DMRT1: variants seen among roughly 807,000 people sequenced by gnomAD.
DMRT1 encodes doublesex and mab-3 related transcription factor 1.
A neutral mutation model predicts 32.3 loss-of-function variants in DMRT1; 7 were observed. The observed-to-expected ratio is 0.22, with a 90% CI of 0.12 to 0.41. The LOEUF is 0.41. DMRT1 is among the 10% of genes least tolerant of loss of function. The pLI is 1.00. For missense variants in DMRT1, 625 were observed against 500.5 expected (o/e 1.25, Z -2.37); for synonymous variants, 278 against 206.1 (o/e 1.35, Z -2.99).
chr9:891,328 G>A (rs1381661947), intron 2 of DMRT1, among the ~76,000 whole-genome samples: 1 of 151,972 alleles, frequency 6.6e-6, no homozygotes, highest in Non-Finnish European at 1.5e-5. Context: ...GCTTGCGCCT[G>A]TATTCCCAAT....
chr9:853,366 C>T (rs947829626), intron 2 of DMRT1, among the ~76,000 whole-genome samples: 12 of 152,060 alleles, frequency 7.9e-5, no homozygotes, highest in African/African-American at 2.4e-4. Context: ...AGCATTGCCA[C>T]TGTCCTAAAA....
At chr9:904,078 C>G (rs7856502) in intron 3 of DMRT1, among the ~76,000 whole-genome samples, 49 of 152,116 alleles carry the variant, frequency 3.2e-4, no homozygotes, top group African/African-American at 1.1e-3. Flanking sequence ...TATTATTAGT[C>G]TTGCGAGGTT....
chr9:890,085 G>GTTTTT (rs35228255), intron 2 of DMRT1, among the ~76,000 whole-genome samples: 20 of 102,990 alleles, frequency 1.9e-4, no homozygotes, highest in East Asian at 2.9e-4. Context: ...CACCAAACGT[G>GTTTTT]TTTTTTTTTT....
chr9:908,846 C>G (rs975645320), intron 3 of DMRT1, among the ~76,000 whole-genome samples: 1 of 152,144 alleles, frequency 6.6e-6, no homozygotes, highest in African/African-American at 2.4e-5. Flanking sequence ...TCCCACCTCT[C>G]CTGGGCGCAT....
Position 968,048 on chromosome 9 carries a change from G to A in DMRT1, c.1031G>A (p.Ser344Asn), listed in dbSNP as rs1819991079. 1.2e-6 allele frequency: 2 copies of A among 1,613,964 alleles called. No individual in the cohort carries two copies. The highest frequency in any genetic ancestry group is 8.5e-7 in the Non-Finnish European group (1 of 1,180,034). The change falls in exon 5 of 5, where the codon AGT becomes AAT. Residue 344 changes from serine (S) to asparagine (N), a missense_variant. This residue lies in a region of DMRT1 where 416 missense variants were observed against 321.6 expected (regional missense o/e 1.29). Transcript: ENST00000382276. ...TCCCTCTCGAGCAGCTCTCCTATTA[G>A]TAACAAGAGCACAAAGGCAGTGCTT... ...LVSLSSSSPI[S>N]NKSTKAVLEC...
chr9:911,121 G>A (rs1051452409), intron 3 of DMRT1, among the ~76,000 whole-genome samples: 2 of 152,104 alleles, frequency 1.3e-5, no homozygotes, highest in African/African-American at 4.8e-5. Context: ...CGCTGTTCAG[G>A]CCTTGGGTTG....
At chr9:885,142 C>T (rs905698053) in intron 2 of DMRT1, among the ~76,000 whole-genome samples, 2 of 152,132 alleles carry the variant, frequency 1.3e-5, no homozygotes, top group Non-Finnish European at 2.9e-5. Flanking sequence ...ATGGGCAGGC[C>T]GTGGGGCTCC....
chr9:909,659 C>T (rs564890064), intron 3 of DMRT1, among the ~76,000 whole-genome samples: 2 of 152,270 alleles, frequency 1.3e-5, no homozygotes, highest in East Asian at 3.9e-4. Context: ...ACCCCAAATA[C>T]AGCTTTTGCC....
intron 4 of DMRT1, among the ~76,000 whole-genome samples, chr9:918,715 G>A (rs59358181): frequency 0.16 from 14,434 of 88,992 alleles, 789 homozygotes; most frequent in South Asian, 0.36. Context: ...CTTCAGAAAC[G>A]AGAGCTGGGA....
chr9:896,847 T>C (rs1351869712), intron 3 of DMRT1, among the ~76,000 whole-genome samples: 1 of 151,980 alleles, frequency 6.6e-6, no homozygotes, highest in Non-Finnish European at 1.5e-5. Context: ...CTAAGCCCAC[T>C]TCAAGAAAAT....
chr9:870,748 A>C, intron 2 of DMRT1, among the ~76,000 whole-genome samples: 1 of 103,046 alleles, frequency 9.7e-6, no homozygotes, highest in Non-Finnish European at 1.8e-5. Context: ...GTCTTACTCC[A>C]TTGCCCACGC....
chr9:872,681 GTATTT>G (rs1816325763), intron 2 of DMRT1, among the ~76,000 whole-genome samples: 1 of 152,136 alleles, frequency 6.6e-6, no homozygotes, highest in South Asian at 2.1e-4. Context: ...TTACTTATCA[GTATTT>G]TATTGTATGA....
chr9:964,908 G>A (rs1202450359), intron 4 of DMRT1, among the ~76,000 whole-genome samples: 1 of 152,194 alleles, frequency 6.6e-6, no homozygotes, highest in East Asian at 1.9e-4. Flanking sequence ...CTGACGCTAG[G>A]AGTTAGCATT....
intron 2 of DMRT1, among the ~76,000 whole-genome samples, chr9:889,608 C>A (rs1817062395): frequency 1.3e-5 from 2 of 152,182 alleles, no homozygotes; most frequent in African/African-American, 2.4e-5. Context: ...TCTCTTGTTA[C>A]CTTCAGAGTT....
At chr9:922,769 A>G (rs374335093) in intron 4 of DMRT1, among the ~76,000 whole-genome samples, 1 of 152,184 alleles carries the variant, frequency 6.6e-6, no homozygotes, top group Non-Finnish European at 1.5e-5. Flanking sequence ...CACTCTTTTC[A>G]GGAGAAAGAA....
chr9:928,497 G>C (rs2129842242), intron 4 of DMRT1, among the ~76,000 whole-genome samples: 1 of 152,278 alleles, frequency 6.6e-6, no homozygotes, highest in South Asian at 2.1e-4. Flanking sequence ...CTTCTTACTA[G>C]AGATGATTAA....
At chr9:940,640 G>A (rs750119826) in intron 4 of DMRT1, among the ~76,000 whole-genome samples, 47 of 152,196 alleles carry the variant, frequency 3.1e-4, no homozygotes, top group Non-Finnish European at 5.7e-4. Context: ...TGGATTTGGC[G>A]ATGACTTCTT....
intron 4 of DMRT1, among the ~76,000 whole-genome samples, chr9:922,091 G>C (rs73380405): frequency 1.3e-5 from 2 of 151,656 alleles, no homozygotes; most frequent in East Asian, 1.9e-4. Flanking sequence ...TATTGCTCAG[G>C]CTGTCTTGAA....
intron 3 of DMRT1, among the ~76,000 whole-genome samples, chr9:905,554 A>C (rs186909585): frequency 8.6e-5 from 13 of 151,576 alleles, no homozygotes; most frequent in Admixed American, 2.0e-4. Context: ...ATGTACTTAA[A>C]ATCACCTTTA....
Sources: allele counts gnomAD v4.1 joint callset (sites outside exome capture counted in the v4.1 genomes callset), GRCh38; gene constraint gnomAD v4.1.1; regional missense constraint gnomAD v4.1.1; transcripts MANE v1.5; gene names NCBI Gene and HGNC (gene_info 2026-07-23, HGNC 2026-07-21).